Variants in ADAMTS6 observed in about 807,000 individuals in gnomAD.
ADAMTS6 encodes ADAM metallopeptidase with thrombospondin type 1 motif 6.
Under a neutral mutation model 144.3 loss-of-function variants are expected in ADAMTS6, and 23 were observed. That is an observed-to-expected ratio of 0.16 (90% CI 0.11 to 0.23). The LOEUF is 0.23. ADAMTS6 is among the 10% of genes least tolerant of loss of function. ADAMTS6 has a pLI of 1.00. For missense variants in ADAMTS6, 999 were observed against 1,379.6 expected (o/e 0.72, Z 4.37); for synonymous variants, 444 against 457.5 (o/e 0.97, Z 0.38).
In ADAMTS6 at chr5:65,452,898, G is replaced by C. The variant is rs767406505; in HGVS notation, c.652C>G (p.Pro218Ala). ...GVSDFTRSGK[P>A]WWLNDTSTVS... ...GTGGATGTGTCATTCAGCCACCAAG[G>C]TTTGCCACTTCTTGTGAAATCTACA... The change falls in exon 5 of 25, where the codon CCT (proline) becomes GCT (alanine). Residue 218 changes from proline to alanine, a missense_variant. Coordinates refer to ENST00000381055, the MANE Select transcript of ADAMTS6 (RefSeq NM_197941.4). The C allele has an allele frequency of 1.2e-6, 2 of 1,613,424 alleles. No homozygotes were observed. Among genetic ancestry groups the C allele is most frequent in the Non-Finnish European group, 1.7e-6 (2 of 1,179,674 alleles).
rs1028898804 is a variant in ADAMTS6 at position 65,391,251 on chromosome 5, G to A, written c.1074-57166C>T. ...GTTTGTTTAATTTCAAAATGAGGTAGGTGTTTTCAGGTTCCTTAAAAAAAC... is the reference window on the plus strand; with the variant it reads ...GTTTGTTTAATTTCAAAATGAGGTAAGTGTTTTCAGGTTCCTTAAAAAAAC... On this transcript the variant is annotated intron_variant, in intron 7 of 24. Coordinates refer to ENST00000381055, the MANE Select transcript of ADAMTS6 (RefSeq NM_197941.4). 9.2e-5 allele frequency among the ~76,000 whole-genome samples: 14 copies of A among 152,012 alleles called. 2 individuals are homozygous for A. The highest frequency in any genetic ancestry group is 9.2e-4 in the Admixed American group (14 of 15,258).
intron 11 of ADAMTS6, among the ~76,000 whole-genome samples, chr5:65,281,622 G>C (rs1359936584): frequency 6.6e-6 from 1 of 151,934 alleles, no homozygotes; most frequent in Non-Finnish European, 1.5e-5. Context: ...TAAAATTTTA[G>C]TATCAATTCA....
intron 20 of ADAMTS6, among the ~76,000 whole-genome samples, chr5:65,205,596 T>G (rs1756031760): frequency 6.6e-6 from 1 of 152,176 alleles, no homozygotes; most frequent in Non-Finnish European, 1.5e-5. Flanking sequence ...TCCTGAAATA[T>G]ATAACATGAA....
At chr5:65,250,943 A>C (rs1253161817) in intron 14 of ADAMTS6, among the ~76,000 whole-genome samples, 1 of 152,202 alleles carries the variant, frequency 6.6e-6, no homozygotes, top group African/African-American at 2.4e-5. Flanking sequence ...TATTCACAAC[A>C]CTAACCTTTA....
chr5:65,239,330 C>G (rs916398537), intron 15 of ADAMTS6, among the ~76,000 whole-genome samples: 1 of 150,354 alleles, frequency 6.7e-6, no homozygotes, highest in Admixed American at 6.6e-5. Flanking sequence ...GTAGTACTGG[C>G]ACAGGACTGA....
chr5:65,360,787 T>TA (rs1189020037), intron 7 of ADAMTS6, among the ~76,000 whole-genome samples: 1 of 152,164 alleles, frequency 6.6e-6, no homozygotes, highest in Admixed American at 6.5e-5. Flanking sequence ...GAGTGAATGT[T>TA]ATAAGAGTTC....
At chr5:65,185,894 T>C (rs558573580) in intron 22 of ADAMTS6, among the ~76,000 whole-genome samples, 2 of 152,192 alleles carry the variant, frequency 1.3e-5, no homozygotes, top group Non-Finnish European at 2.9e-5. Flanking sequence ...TACAGAATAG[T>C]GTAGGTCAGA....
intron 7 of ADAMTS6, among the ~76,000 whole-genome samples, chr5:65,360,841 T>C (rs1403824362): frequency 2.0e-5 from 3 of 152,198 alleles, no homozygotes; most frequent in Non-Finnish European, 4.4e-5. Context: ...CCCAAACTTA[T>C]CTACCTCATG....
At chr5:65,248,475 C>A (rs552899742) in intron 14 of ADAMTS6, among the ~76,000 whole-genome samples, 2 of 152,030 alleles carry the variant, frequency 1.3e-5, no homozygotes, top group Non-Finnish European at 2.9e-5. Context: ...CATCTACCTA[C>A]AGCAAAACTC....
chr5:65,421,414 A>C (rs1756032629), intron 7 of ADAMTS6, among the ~76,000 whole-genome samples: 1 of 152,184 alleles, frequency 6.6e-6, no homozygotes, highest in Non-Finnish European at 1.5e-5. Context: ...TCTGGCTTGC[A>C]AGGTTTCTGC....
chr5:65,449,702 A>G (rs1210390190), intron 7 of ADAMTS6, among the ~76,000 whole-genome samples: 1 of 152,198 alleles, frequency 6.6e-6, no homozygotes, highest in Non-Finnish European at 1.5e-5. Flanking sequence ...CACTCGAAGT[A>G]GCTTACAAAA....
At chr5:65,426,364 T>G (rs1041737904) in intron 7 of ADAMTS6, among the ~76,000 whole-genome samples, 11 of 152,072 alleles carry the variant, frequency 7.2e-5, no homozygotes, top group Non-Finnish European at 1.6e-4. Flanking sequence ...TGGACTAAGT[T>G]GTGCTTCTAA....
chr5:65,219,217 G>C (rs140794157), intron 18 of ADAMTS6, among the ~76,000 whole-genome samples: 7 of 152,110 alleles, frequency 4.6e-5, no homozygotes, highest in African/African-American at 1.7e-4. Context: ...AGTAGATAAA[G>C]TTCTATTGGA....
At chr5:65,396,023 A>G (rs1379873742) in intron 7 of ADAMTS6, among the ~76,000 whole-genome samples, 1 of 152,262 alleles carries the variant, frequency 6.6e-6, no homozygotes, top group East Asian at 1.9e-4. Context: ...CACTTGCTTA[A>G]TCACTAACAT....
intron 9 of ADAMTS6, among the ~76,000 whole-genome samples, chr5:65,317,034 C>T (rs1344475145): frequency 6.6e-6 from 1 of 152,154 alleles, no homozygotes; most frequent in South Asian, 2.1e-4. Flanking sequence ...AACTCCTGAC[C>T]TCAAGTAATC....
At chr5:65,157,233 T>C (rs547852434) in intron 24 of ADAMTS6, among the ~76,000 whole-genome samples, 13 of 152,376 alleles carry the variant, frequency 8.5e-5, no homozygotes, top group Middle Eastern at 3.4e-3. Context: ...CACATGAATC[T>C]ACTTAACATT....
chr5:65,370,255 A>C (rs1165320814), intron 7 of ADAMTS6, among the ~76,000 whole-genome samples: 3 of 152,102 alleles, frequency 2.0e-5, no homozygotes, highest in Admixed American at 6.5e-5. Context: ...TAAAAATACA[A>C]TAATTAGGGG....
intron 24 of ADAMTS6, among the ~76,000 whole-genome samples, chr5:65,158,716 G>A (rs185518794): frequency 1.3e-5 from 2 of 152,334 alleles, no homozygotes; most frequent in East Asian, 3.9e-4. Flanking sequence ...ATCAGTGGCA[G>A]TCTGTCAAGA....
At chr5:65,258,530 T>C (rs1391255336) in intron 14 of ADAMTS6, among the ~76,000 whole-genome samples, 3 of 152,330 alleles carry the variant, frequency 2.0e-5, no homozygotes, top group African/African-American at 4.8e-5. Flanking sequence ...TGATTCACTC[T>C]GCCTCCTATA....
Sources: allele counts gnomAD v4.1 joint callset (sites outside exome capture counted in the v4.1 genomes callset), GRCh38; gene constraint gnomAD v4.1.1; transcripts MANE v1.5; gene names NCBI Gene and HGNC (gene_info 2026-07-23, HGNC 2026-07-21).